The following LYZL1 variants were observed in gnomAD, a reference collection of about 807,000 sequenced individuals.
LYZL1 encodes the protein lysozyme like 1.
A neutral mutation model predicts 17.9 loss-of-function variants in LYZL1; 16 were observed. The ratio of observed to expected loss-of-function variants is 0.90; its 90% CI spans 0.61 to 1.36. The LOEUF (loss-of-function observed/expected upper bound fraction) is 1.36. Among genes scored for constraint, LYZL1 ranks in the 40% most tolerant of loss-of-function variants. The pLI is 0.00. For missense variants in LYZL1, 149 were observed against 188.4 expected (o/e 0.79, Z 1.22); for synonymous variants, 58 against 71.8 (o/e 0.81, Z 0.97).
downstream of LYZL1, among the ~76,000 whole-genome samples, chr10:29,311,941 A>C (rs1345813034): frequency 1.3e-5 from 2 of 151,876 alleles, no homozygotes; most frequent in Non-Finnish European, 2.9e-5. Flanking sequence ...CCTGGGTGAC[A>C]GAGCAAGACT....
At chr10:29,312,058 G>A (rs997871638), downstream of LYZL1, among the ~76,000 whole-genome samples, 1 of 152,194 alleles carries the variant, frequency 6.6e-6, no homozygotes, top group Admixed American at 6.5e-5. Context: ...CCAACAATCT[G>A]GGAAGCCAAG....
At chr10:29,300,976 A>T (rs4749409) in intron 3 of LYZL1, among the ~76,000 whole-genome samples, 52,076 of 151,696 alleles carry the variant, frequency 0.34, 9,273 homozygotes, top group African/African-American at 0.45. Flanking sequence ...CACATGCCAC[A>T]ATGCCTGGCT....
In LYZL1 at chr10:29,289,206, C is replaced by T; in HGVS notation, c.-50C>T. On this transcript the variant is annotated 5_prime_UTR_variant, in exon 1 of 5. Coordinates refer to ENST00000649382, the MANE Select transcript of LYZL1 (RefSeq NM_032517.6). ...TCAACTGAGAAGTCAGCCTCTGGGG[C>T]AGGCACCAGGAATCTGCCTTTTCAG... The T allele has an allele frequency of 3.1e-6, 5 of 1,592,838 alleles. No homozygotes were observed. The highest frequency in any genetic ancestry group is 3.4e-6 in the Non-Finnish European group (4 of 1,169,138).
intron 3 of LYZL1, among the ~76,000 whole-genome samples, chr10:29,294,450 A>G (rs1409808038): frequency 6.6e-6 from 1 of 152,194 alleles, no homozygotes; most frequent in African/African-American, 2.4e-5. Context: ...CATGGAGAAG[A>G]CTGATGCAAG....
chr10:29,307,920 G>A (rs78847767), intron 3 of LYZL1, among the ~76,000 whole-genome samples: 2,601 of 152,204 alleles, frequency 0.017, 88 homozygotes, highest in African/African-American at 0.059. Context: ...TTCCTAAGAC[G>A]TTGAATCCAT....
chr10:29,302,817 A>G (rs1054406809), intron 3 of LYZL1, among the ~76,000 whole-genome samples: 5 of 152,146 alleles, frequency 3.3e-5, no homozygotes, highest in African/African-American at 1.2e-4. Flanking sequence ...CATATGCAAC[A>G]TTGTTGAGTG....
At chr10:29,311,335 T>G, downstream of LYZL1, 2 of 970,868 alleles carry the variant, frequency 2.1e-6, no homozygotes, top group South Asian at 1.9e-5. Context: ...TTCTTCATTG[T>G]AGGGAGTCCT....
chr10:29,315,283 G>A (rs961985655), downstream of LYZL1, among the ~76,000 whole-genome samples: 2 of 151,996 alleles, frequency 1.3e-5, no homozygotes, highest in African/African-American at 4.8e-5. Flanking sequence ...GCCAAGGTGG[G>A]CGGATCACCT....
chr10:29,292,527 A>G lies in LYZL1; in HGVS notation c.148A>G (p.Met50Val). Residue 50 changes from methionine to valine, a missense_variant, in exon 3 of 5, where the codon ATG (methionine) becomes GTG (valine). Around this residue, in one of 2 missense-constraint regions of LYZL1, gnomAD observed 130 missense variants for 132.5 expected, o/e 0.98. Coordinates refer to ENST00000649382, the MANE Select transcript of LYZL1 (RefSeq NM_032517.6). ...WGFSLGNWIC[M>V]AYYESGYNTT... ...GGCTTTCCCCCCTCCAGGGATCTGC[A>G]TGGCATATTATGAGAGCGGCTACAA... 6.2e-7 allele frequency: 1 copy of G among 1,614,052 alleles called. No individual in the cohort carries two copies. Among genetic ancestry groups the G allele is most frequent in the Non-Finnish European group, 8.5e-7 (1 of 1,179,984 alleles).
intron 3 of LYZL1, among the ~76,000 whole-genome samples, chr10:29,308,388 A>T (rs1053877256): frequency 1.3e-5 from 2 of 152,194 alleles, no homozygotes; most frequent in Non-Finnish European, 2.9e-5. Context: ...TCTGCGTCAC[A>T]AATGGACATC....
chr10:29,305,258 T>C (rs2132830567), intron 3 of LYZL1, among the ~76,000 whole-genome samples: 1 of 152,320 alleles, frequency 6.6e-6, no homozygotes, highest in East Asian at 1.9e-4. Flanking sequence ...ACCAAATGCT[T>C]AAATTTGGAT....
chr10:29,297,755 A>G, intron 3 of LYZL1, among the ~76,000 whole-genome samples: 1 of 152,206 alleles, frequency 6.6e-6, no homozygotes. Flanking sequence ...CCTTGGATAA[A>G]GTGATTATTG....
intron 3 of LYZL1, among the ~76,000 whole-genome samples, chr10:29,308,440 A>T (rs191673470): frequency 6.6e-6 from 1 of 152,266 alleles, no homozygotes; most frequent in Admixed American, 6.5e-5. Flanking sequence ...TTCCTTTCAT[A>T]GGTGTGGATC....
chr10:29,300,909 C>T (rs1308702845), intron 3 of LYZL1, among the ~76,000 whole-genome samples: 2 of 152,186 alleles, frequency 1.3e-5, no homozygotes, highest in Non-Finnish European at 2.9e-5. Context: ...GCAGCCTCAA[C>T]TTCCTGGGCT....
At chr10:29,310,747 C>A (rs1177181410) in intron 4 of LYZL1, among the ~76,000 whole-genome samples, 2 of 152,162 alleles carry the variant, frequency 1.3e-5, no homozygotes, top group African/African-American at 4.8e-5. Flanking sequence ...GTGGGTGTGA[C>A]ATGGAATGAC....
intron 3 of LYZL1, chr10:29,317,308 A>G (rs1465456530): frequency 6.6e-6 from 1 of 152,210 alleles, no homozygotes; most frequent in Admixed American, 6.5e-5. Context: ...GAACCTCACC[A>G]GAAGTCCTCA....
intron 3 of LYZL1, among the ~76,000 whole-genome samples, chr10:29,303,813 G>A (rs941562364): frequency 1.3e-5 from 2 of 152,198 alleles, no homozygotes; most frequent in African/African-American, 4.8e-5. Context: ...ACATATTACA[G>A]AAGTAGGGAC....
At chr10:29,296,966 C>G (rs1181499833) in intron 3 of LYZL1, among the ~76,000 whole-genome samples, 1 of 151,360 alleles carries the variant, frequency 6.6e-6, no homozygotes. Context: ...ACAGATAAAA[C>G]TTTTTGAAAG....
chr10:29,318,322 T>A (rs1835753910), exon 5 of LYZL1: 1 of 315,254 alleles, frequency 3.2e-6, no homozygotes, highest in Admixed American at 6.5e-5. Flanking sequence ...CCCAGATTCA[T>A]AAGTAATCTG....
Sources: gnomAD v4.1 joint callset for allele counts (sites outside exome capture counted in the v4.1 genomes callset) on GRCh38, gnomAD v4.1.1 for gene constraint, gnomAD v4.1.1 regional missense constraint, MANE v1.5 for transcripts, NCBI Gene and HGNC (gene_info 2026-07-23, HGNC 2026-07-21) for gene names.